WDR70: variants seen among roughly 807,000 people sequenced by gnomAD.
WDR70 encodes the protein WD repeat-containing protein 70.
In WDR70, 53 loss-of-function variants were observed where a neutral mutation model predicts 88.6. The observed-to-expected ratio is 0.60, with a 90% CI of 0.48 to 0.75. WDR70 has a LOEUF of 0.75. WDR70 is among the 30% of genes least tolerant of loss of function. The pLI, the probability that WDR70 is intolerant of heterozygous loss-of-function variation, is 0.00. For synonymous variants in WDR70, 280 were observed against 270.0 expected (o/e 1.04, Z -0.36); for missense variants, 610 against 823.2 (o/e 0.74, Z 3.17).
At chr5:37,669,990 T>G (rs1745976777) in intron 10 of WDR70, among the ~76,000 whole-genome samples, 1 of 152,190 alleles carries the variant, frequency 6.6e-6, no homozygotes, top group Admixed American at 6.5e-5. Flanking sequence ...AGAAACTAAA[T>G]TAGTGGTTGC....
At chr5:37,677,945 G>C (rs1177343725) in intron 10 of WDR70, among the ~76,000 whole-genome samples, 1 of 152,178 alleles carries the variant, frequency 6.6e-6, no homozygotes, top group African/African-American at 2.4e-5. Context: ...ATTTAGGATA[G>C]TAGCTCTTCT....
chr5:37,576,530 A>G (rs1030405510), intron 9 of WDR70, among the ~76,000 whole-genome samples: 4 of 152,244 alleles, frequency 2.6e-5, no homozygotes, highest in African/African-American at 4.8e-5. Flanking sequence ...TTTTCAAGCT[A>G]TTTAGTCTCT....
Position 37,449,869 on chromosome 5 carries a change from C to G in WDR70, c.686+6497C>G, listed in dbSNP as rs148602199. Among the ~76,000 whole-genome samples, 288 of 152,184 alleles carry G rather than the reference C, an allele frequency of 1.9e-3. 1 individual carries two copies. Among genetic ancestry groups the G allele is most frequent in the African/African-American group, 6.6e-3 (276 of 41,512 alleles). On this transcript the variant is annotated intron_variant, in intron 7 of 17. Transcript: ENST00000265107. ...ACCCATTAACGCATCATCTACATAG[C>G]TATTTCTCCTAATGCTGTCCCTCCC...
chr5:37,576,244 A>G lies in WDR70; in HGVS notation c.918-28820A>G, dbSNP rs369442759. Among the ~76,000 whole-genome samples, 16 of 149,750 alleles carry G rather than the reference A, an allele frequency of 1.1e-4. 3 individuals carry two copies. The highest frequency in any genetic ancestry group is 2.5e-5 in the African/African-American group (1 of 40,628). On this transcript the variant is annotated intron_variant, in intron 9 of 17. Transcript: ENST00000265107. Reference sequence around the variant, plus strand: ...CTTCCTACCTCACTGACCTTATCTCATGTTACACTGTGCTCCAGCCACAGC... The same window carrying G: ...CTTCCTACCTCACTGACCTTATCTCGTGTTACACTGTGCTCCAGCCACAGC...
chr5:37,461,819 G>T (rs554735159), intron 7 of WDR70, among the ~76,000 whole-genome samples: 4 of 152,212 alleles, frequency 2.6e-5, no homozygotes. Context: ...GTAGGTTTTT[G>T]ACTATATATC....
chr5:37,489,219 G>A (rs916711335), intron 8 of WDR70, among the ~76,000 whole-genome samples: 14 of 152,198 alleles, frequency 9.2e-5, no homozygotes, highest in South Asian at 2.1e-4. Flanking sequence ...GGGCCCTTGC[G>A]CACAGTATAT....
At chr5:37,499,588 TC>T (rs765562888) in intron 8 of WDR70, among the ~76,000 whole-genome samples, 60,876 of 102,532 alleles carry the variant, frequency 0.59, 16,489 homozygotes, top group Non-Finnish European at 0.63. Flanking sequence ...TTGGAAATAT[TC>T]TCTCTCTCTC....
intron 9 of WDR70, among the ~76,000 whole-genome samples, chr5:37,582,472 A>G (rs1743246633): frequency 6.6e-6 from 1 of 152,208 alleles, no homozygotes; most frequent in Non-Finnish European, 1.5e-5. Context: ...TGATTATACA[A>G]CCATAGATTC....
chr5:37,706,773 T>C (rs35037301), intron 13 of WDR70, among the ~76,000 whole-genome samples: 141 of 151,966 alleles, frequency 9.3e-4, no homozygotes, highest in Non-Finnish European at 1.5e-3. Flanking sequence ...TCTCTCTCTC[T>C]CCCCTCATTT....
chr5:37,506,113 T>G, intron 8 of WDR70: 1 of 1,154,938 alleles, frequency 8.7e-7, no homozygotes, highest in South Asian at 1.2e-5. Flanking sequence ...TGTGCAAGAT[T>G]GCAGCGGCTT....
intron 10 of WDR70, among the ~76,000 whole-genome samples, chr5:37,650,426 A>G (rs904366482): frequency 6.6e-5 from 10 of 152,086 alleles, no homozygotes; most frequent in African/African-American, 1.9e-4. Context: ...AGAAAAAGAA[A>G]GTATTGGATG....
intron 10 of WDR70, among the ~76,000 whole-genome samples, chr5:37,675,052 T>C (rs1465145821): frequency 1.3e-5 from 2 of 151,910 alleles, no homozygotes; most frequent in South Asian, 2.1e-4. Flanking sequence ...TGTCTGTTCA[T>C]GTCCTTCGCC....
At chr5:37,412,184 C>T (rs977527705) in intron 5 of WDR70, among the ~76,000 whole-genome samples, 21 of 151,964 alleles carry the variant, frequency 1.4e-4, no homozygotes, top group Admixed American at 7.2e-4. Context: ...GTCAGGAGTT[C>T]GAGACCAGCC....
At chr5:37,530,773 G>GTTTTTTTTTTTTTTTTT (rs57043165) in intron 9 of WDR70, among the ~76,000 whole-genome samples, 1 of 127,948 alleles carries the variant, frequency 7.8e-6, no homozygotes, top group African/African-American at 2.8e-5. Flanking sequence ...TTTATCTTTT[G>GTTTTTTTTTTTTTTTTT]TTTTTTTTTT....
At chr5:37,660,710 T>G (rs1311435854) in intron 10 of WDR70, among the ~76,000 whole-genome samples, 2 of 152,208 alleles carry the variant, frequency 1.3e-5, no homozygotes, top group Admixed American at 1.3e-4. Context: ...ATGTCTGTGG[T>G]TGACTCTTGC....
intron 9 of WDR70, among the ~76,000 whole-genome samples, chr5:37,563,250 C>T (rs1167308957): frequency 1.5e-5 from 1 of 66,138 alleles, no homozygotes; most frequent in East Asian, 3.9e-4. Context: ...GTAGGGGCGG[C>T]CAGGCAGAGG....
intron 17 of WDR70, among the ~76,000 whole-genome samples, chr5:37,744,590 A>G (rs1349088516): frequency 1.3e-5 from 2 of 152,010 alleles, no homozygotes; most frequent in Non-Finnish European, 2.9e-5. Context: ...AGGAACATAA[A>G]TGACCTGATG....
At chr5:37,592,679 CTT>C (rs935410905) in intron 9 of WDR70, among the ~76,000 whole-genome samples, 1 of 152,112 alleles carries the variant, frequency 6.6e-6, no homozygotes, top group African/African-American at 2.4e-5. Flanking sequence ...CTGAAATACA[CTT>C]AATGGAAAAA....
At chr5:37,728,365 A>AAC (rs1554015299) in intron 17 of WDR70, among the ~76,000 whole-genome samples, 1,993 of 22,460 alleles carry the variant, frequency 0.089, 45 homozygotes, top group African/African-American at 0.18. Context: ...AAAAAAAAAC[A>AAC]AAAAAAAAAA....
Sources: allele counts gnomAD v4.1 joint callset (sites outside exome capture counted in the v4.1 genomes callset), GRCh38; gene constraint gnomAD v4.1.1; transcripts MANE v1.5; gene names NCBI Gene and HGNC (gene_info 2026-07-23, HGNC 2026-07-21).